Variants in ZNF385B observed in about 807,000 individuals in gnomAD.
ZNF385B encodes zinc finger protein 385B, also known as zinc finger protein 533.
ZNF385B carries 23 observed loss-of-function variants against 39.2 expected under a neutral mutation model. That is an observed-to-expected ratio of 0.59 (90% confidence interval 0.42 to 0.83). The LOEUF (loss-of-function observed/expected upper bound fraction) is 0.83. Among genes scored for constraint, ZNF385B ranks in the 40% least tolerant of loss-of-function variants. The pLI is 0.00. For synonymous variants in ZNF385B, 205 were observed against 222.6 expected, an observed-to-expected ratio of 0.92 and a Z score of 0.70; for missense variants, 552 against 598.9, an observed-to-expected ratio of 0.92 and a Z score of 0.82.
At chr2:179,598,307 T>C (rs541679337) in intron 3 of ZNF385B, among the ~76,000 whole-genome samples, 9 of 152,316 alleles carry the variant, frequency 5.9e-5, no homozygotes, top group African/African-American at 2.2e-4. Flanking sequence ...ATGTGTTTTC[T>C]AGTCTGCATC....
At chr2:179,525,906 C>A (rs1328703825) in intron 4 of ZNF385B, among the ~76,000 whole-genome samples, 1 of 151,964 alleles carries the variant, frequency 6.6e-6, no homozygotes, top group Non-Finnish European at 1.5e-5. Context: ...TGATGTTTTA[C>A]TTTTTAAAAA....
At chr2:179,543,779 C>G (rs1574710341) in intron 4 of ZNF385B, among the ~76,000 whole-genome samples, 1 of 152,122 alleles carries the variant, frequency 6.6e-6, no homozygotes, top group African/African-American at 2.4e-5. Context: ...GGCTGATGCC[C>G]TACCCCCTAA....
intron 3 of ZNF385B, among the ~76,000 whole-genome samples, chr2:179,655,492 C>A (rs1263688129): frequency 2.5e-4 from 36 of 143,736 alleles, no homozygotes; most frequent in Non-Finnish European, 2.6e-4. Flanking sequence ...GAAAAGAAAG[C>A]AAAAAAAAAA....
chr2:179,855,258 G>T (rs190941415), intron 1 of ZNF385B, among the ~76,000 whole-genome samples: 5 of 152,272 alleles, frequency 3.3e-5, no homozygotes, highest in African/African-American at 1.2e-4. Context: ...CATAGCACAG[G>T]ATATCTCTCT....
intron 3 of ZNF385B, among the ~76,000 whole-genome samples, chr2:179,679,861 C>T (rs1244902031): frequency 6.6e-6 from 1 of 152,110 alleles, no homozygotes. Context: ...TTTGCCTACC[C>T]CATCAGTCTA....
chr2:179,857,742 A>G (rs998719462), intron 1 of ZNF385B, among the ~76,000 whole-genome samples: 3 of 152,216 alleles, frequency 2.0e-5, no homozygotes, highest in African/African-American at 7.2e-5. Context: ...CCAACATTGA[A>G]AAATAATATT....
chr2:179,769,386 T>A (rs1364415420), intron 3 of ZNF385B, 117 bp downstream of exon 3: 1 of 1,452,702 alleles, frequency 6.9e-7, no homozygotes, highest in Admixed American at 2.2e-5. Flanking sequence ...AAAGAGTACA[T>A]GTTATCATGG....
chr2:179,732,199 T>C (rs1447160291), intron 3 of ZNF385B, among the ~76,000 whole-genome samples: 3 of 152,204 alleles, frequency 2.0e-5, no homozygotes, highest in East Asian at 3.8e-4. Flanking sequence ...ATTCACAGAA[T>C]TTTAGAATTA....
intron 3 of ZNF385B, among the ~76,000 whole-genome samples, chr2:179,552,558 A>C (rs2060644266): frequency 6.7e-6 from 1 of 149,328 alleles, no homozygotes; most frequent in Admixed American, 6.7e-5. Context: ...TGCCATACTC[A>C]GTTTTCTTTT....
At position 179,687,847 on chromosome 2, in the gene ZNF385B, C is replaced by T. The variant is rs560623353; in HGVS notation, c.298+81656G>A. 4.6e-5 allele frequency among the ~76,000 whole-genome samples: 7 copies of T among 152,244 alleles called. No individual in the cohort carries two copies. The South Asian group carries it at 1.4e-3, about 32-fold the overall frequency. ...ATGAAACATGCATGATAGCACAGGA[C>T]TAGTGAAAGTATTTGTTCAATTACT... On this transcript the variant is annotated intron_variant, in intron 3 of 9. Transcript: ENST00000410066.
chr2:179,444,961 C>T lies in ZNF385B; in HGVS notation c.1157G>A (p.Arg386Lys). ...IQLKQHISSR[R>K]HKDRVAGKPL... ...TTTCCCTGCAACTCGATCTTTATGC[C>T]TTCGGCTAGAAATGTGCTGAAAAAG... is the stretch of plus-strand genomic sequence containing the variant. Residue 386 changes from arginine (R) to lysine (K), a missense_variant, in exon 9 of 10, where the codon AGG becomes AAG. Coordinates refer to ENST00000410066, the MANE Select transcript of ZNF385B (RefSeq NM_152520.6). 1 of 1,614,076 alleles carries T rather than the reference C, an allele frequency of 6.2e-7. No individual in the cohort carries two copies. The highest frequency in any genetic ancestry group is 8.5e-7 in the Non-Finnish European group (1 of 1,179,962).
intron 3 of ZNF385B, among the ~76,000 whole-genome samples, chr2:179,654,577 G>T (rs1693543658): frequency 6.6e-6 from 1 of 152,146 alleles, no homozygotes; most frequent in East Asian, 1.9e-4. Context: ...TAGGAATGAA[G>T]AATACCATAT....
chr2:179,504,512 AT>A (rs1159017118), intron 5 of ZNF385B, among the ~76,000 whole-genome samples: 1 of 151,972 alleles, frequency 6.6e-6, no homozygotes, highest in Admixed American at 6.6e-5. Flanking sequence ...AAGTGTTCCT[AT>A]TTCTCCACAT....
chr2:179,696,011 G>A (rs952102991), intron 3 of ZNF385B, among the ~76,000 whole-genome samples: 53 of 152,192 alleles, frequency 3.5e-4, no homozygotes, highest in Non-Finnish European at 5.9e-4. Context: ...AGTCAGTCAC[G>A]AAAGACCAGA....
At chr2:179,563,358 G>T (rs1024031021) in intron 3 of ZNF385B, among the ~76,000 whole-genome samples, 3 of 152,140 alleles carry the variant, frequency 2.0e-5, no homozygotes, top group African/African-American at 7.2e-5. Flanking sequence ...TGATGAGTTA[G>T]CTTAGTGGGC....
chr2:179,549,012 C>G (rs148030574), intron 3 of ZNF385B, among the ~76,000 whole-genome samples: 1 of 149,460 alleles, frequency 6.7e-6, no homozygotes, highest in South Asian at 2.1e-4. Flanking sequence ...TTTTCTTTAT[C>G]TTTAGGTTTC....
At chr2:179,854,140 A>T (rs1317096329) in intron 1 of ZNF385B, among the ~76,000 whole-genome samples, 1 of 152,152 alleles carries the variant, frequency 6.6e-6, no homozygotes, top group Non-Finnish European at 1.5e-5. Flanking sequence ...TAAGCATTAG[A>T]TTTTTCTCCC....
intron 1 of ZNF385B, among the ~76,000 whole-genome samples, chr2:179,833,332 A>G: frequency 6.6e-6 from 1 of 152,166 alleles, no homozygotes; most frequent in East Asian, 1.9e-4. Context: ...CACAAATAAG[A>G]TGTGGTAGCT....
rs370925593 is a variant in ZNF385B, at chr2:179,856,036, G to A, written c.-155+5065C>T. 3.3e-5 allele frequency among the ~76,000 whole-genome samples: 5 copies of A among 152,226 alleles called. No homozygotes were observed. In the South Asian group the frequency reaches 8.3e-4, roughly 25 times the overall value. ...GGTACTATAGTTCTCCATCCAGGCT[G>A]GAAAGGGGGAGATTTTTAAAATACT... On this transcript the variant is annotated intron_variant, in intron 1 of 9. Transcript: ENST00000410066.
Sources: gnomAD v4.1 joint callset for allele counts (sites outside exome capture counted in the v4.1 genomes callset) on GRCh38, gnomAD v4.1.1 for gene constraint, MANE v1.5 for transcripts, NCBI Gene and HGNC (gene_info 2026-07-23, HGNC 2026-07-21) for gene names.